The following PMEPA1 variants were observed in gnomAD, a reference collection of about 807,000 sequenced individuals.
PMEPA1 encodes protein TMEPAI.
A neutral mutation model predicts 23.0 loss-of-function variants in PMEPA1; 11 were observed. The observed-to-expected ratio is 0.48, with a 90% CI of 0.30 to 0.79. PMEPA1 has a LOEUF of 0.79. Ranked by LOEUF, PMEPA1 falls within the 30% of genes least tolerant of loss-of-function variation. The pLI, the probability that PMEPA1 is intolerant of heterozygous loss-of-function variation, is 0.06. For synonymous variants in PMEPA1, 204 were observed against 166.4 expected (o/e 1.23, Z -1.74); for missense variants, 377 against 390.9 (o/e 0.96, Z 0.30).
intron 1 of PMEPA1, among the ~76,000 whole-genome samples, chr20:57,659,966 G>A (rs748012675): frequency 6.6e-6 from 1 of 152,188 alleles, no homozygotes; most frequent in Non-Finnish European, 1.5e-5. Context: ...CCCCTCTGTA[G>A]GGACTGACCG....
chr20:57,710,028 C>T, upstream of PMEPA1: 2 of 996,524 alleles, frequency 2.0e-6, no homozygotes, highest in Non-Finnish European at 2.4e-6. Context: ...CAGCGCTAGA[C>T]GGGGCTGCCG....
chr20:57,708,909 G>A (rs1237278401), intron 1 of PMEPA1, among the ~76,000 whole-genome samples: 5 of 151,908 alleles, frequency 3.3e-5, no homozygotes, highest in Non-Finnish European at 7.4e-5. Context: ...GCAAGACCGC[G>A]ACTCAGACCC....
chr20:57,699,093 C>T (rs2071978370), intron 1 of PMEPA1, among the ~76,000 whole-genome samples: 1 of 152,224 alleles, frequency 6.6e-6, no homozygotes, highest in African/African-American at 2.4e-5. Context: ...AGTGTGGTCT[C>T]TGGAATGCAT....
At chr20:57,690,556 A>AGGCGGGGTCTCCATTGCTAT in intron 1 of PMEPA1, 1 of 1,279,150 alleles carries the variant, frequency 7.8e-7, no homozygotes, top group East Asian at 5.6e-5. Flanking sequence ...CTGTAGCAGG[A>AGGCGGGGTCTCCATTGCTAT]GGCGGGGTCT....
At chr20:57,694,709 T>G (rs1410011842) in intron 1 of PMEPA1, among the ~76,000 whole-genome samples, 1 of 152,204 alleles carries the variant, frequency 6.6e-6, no homozygotes, top group East Asian at 1.9e-4. Flanking sequence ...TGTAGCGCCA[T>G]GTAAGACAAG....
In PMEPA1 at chr20:57,651,305, T is replaced by G. The variant is rs764916053; in HGVS notation, c.*748A>C. 16 of 152,664 alleles carry G rather than the reference T, an allele frequency of 1.0e-4. No homozygotes were observed. Among genetic ancestry groups the G allele is most frequent in the Non-Finnish European group, 1.9e-4 (13 of 68,064 alleles). The allele number at this position is 152,664 out of a possible 1,614,324, so 9.5% of individuals were successfully genotyped here. A position where few individuals can be genotyped will look rare whatever the true frequency, so the allele number is the denominator to read the frequency against. On this transcript the variant is annotated 3_prime_UTR_variant, in exon 4 of 4. Coordinates refer to ENST00000341744, the MANE Select transcript of PMEPA1 (RefSeq NM_020182.5). ...CCGCCGCTCCTGGCCAAGGCCTCTC[T>G]GCAGACTCCACGGGGGCTCACCCTC...
intron 1 of PMEPA1, among the ~76,000 whole-genome samples, chr20:57,692,189 CT>C (rs1439682796): frequency 2.6e-5 from 4 of 152,248 alleles, no homozygotes; most frequent in Admixed American, 2.6e-4. Context: ...ACGATGCCCC[CT>C]GTGTAGTGGG....
chr20:57,692,808 T>C lies in PMEPA1; in HGVS notation c.109+16666A>G, dbSNP rs1242015385. The stretch of plus-strand genomic sequence containing the variant: ...ATCCAGGCCAGGCTAAGTGGGAGGG[T>C]TCTGTTCTACAGGACAGCACTCAGC... On this transcript the variant is annotated intron_variant, in intron 1 of 3. Transcript: ENST00000341744. Among the ~76,000 whole-genome samples, 3 of 152,212 alleles carry C rather than the reference T, an allele frequency of 2.0e-5. No homozygotes were observed. In the East Asian group the frequency reaches 5.8e-4, roughly 29 times the overall value.
rs2071749036 is a variant in PMEPA1 at position 57,683,520 on chromosome 20, A to C, written c.110-23823T>G. Among the ~76,000 whole-genome samples, 1 of 131,970 alleles carries C rather than the reference A, an allele frequency of 7.6e-6. No individual in the cohort carries two copies. 86.6% of individuals were successfully genotyped at this position (131,970 alleles called of 152,430 possible). A position where few individuals can be genotyped will look rare whatever the true frequency, so the allele number is the denominator to read the frequency against. ...GCATGCATTACGAACTTGCATTACT[A>C]TACTAACTCGGTGGTGGTGTTCTGG... On this transcript the variant is annotated intron_variant, in intron 1 of 3. Transcript: ENST00000341744. This position sits in a 1 kb window ranked among gnomAD's most constrained non-coding sequence, Gnocchi z 4.3.
intron 1 of PMEPA1, among the ~76,000 whole-genome samples, chr20:57,706,103 G>A (rs1486693046): frequency 1.3e-5 from 2 of 152,194 alleles, no homozygotes; most frequent in East Asian, 3.9e-4. Flanking sequence ...AGTGGGTGAT[G>A]TTAAAAAGAC....
At chr20:57,701,599 C>A (rs1416230328) in intron 1 of PMEPA1, among the ~76,000 whole-genome samples, 2 of 152,092 alleles carry the variant, frequency 1.3e-5, no homozygotes, top group Non-Finnish European at 2.9e-5. Flanking sequence ...AGTTTCCTGC[C>A]CCCAATAGTG....
rs553284252 is a variant in PMEPA1, at chr20:57,676,879, C to A, written c.110-17182G>T. ...CCCTACTTCCTCTCTTGCAAACACA[C>A]CCCCCGTCTATTCTCCACCCTGCAG... On this transcript the variant is annotated intron_variant, in intron 1 of 3. Coordinates refer to ENST00000341744, the MANE Select transcript of PMEPA1 (RefSeq NM_020182.5). Among the ~76,000 whole-genome samples, 54 of 152,316 alleles carry A rather than the reference C, an allele frequency of 3.5e-4. No individual in the cohort carries two copies. In the South Asian group the frequency reaches 0.01, roughly 29 times the overall value.
At chr20:57,666,310 C>T (rs1025039557) in intron 1 of PMEPA1, among the ~76,000 whole-genome samples, 10 of 152,040 alleles carry the variant, frequency 6.6e-5, no homozygotes, top group Non-Finnish European at 1.0e-4. Flanking sequence ...AGGAGAGGAA[C>T]CGTGAGCAGG....
chr20:57,696,196 C>T (rs1261380907), intron 1 of PMEPA1, among the ~76,000 whole-genome samples: 1 of 152,188 alleles, frequency 6.6e-6, no homozygotes, highest in East Asian at 1.9e-4. Flanking sequence ...CCCCAACCAG[C>T]CCATCCCTTA....
intron 1 of PMEPA1, among the ~76,000 whole-genome samples, chr20:57,671,872 G>A (rs1317638603): frequency 1.3e-5 from 2 of 152,154 alleles, no homozygotes; most frequent in Non-Finnish European, 2.9e-5. Context: ...ATTGCCAAAC[G>A]CCCCCTGTGG....
upstream of PMEPA1, chr20:57,710,599 C>A: frequency 1.2e-6 from 1 of 859,124 alleles, no homozygotes; most frequent in South Asian, 1.8e-5. Flanking sequence ...TAGACACGCC[C>A]GGAAGCCCTT....
intron 1 of PMEPA1, among the ~76,000 whole-genome samples, chr20:57,697,499 AT>A (rs1270240501): frequency 6.6e-6 from 1 of 152,238 alleles, no homozygotes; most frequent in Non-Finnish European, 1.5e-5. Context: ...TTACTGGCAA[AT>A]TTCTCCTCCA....
At chr20:57,691,516 C>T (rs549334455) in intron 1 of PMEPA1, among the ~76,000 whole-genome samples, 5 of 152,186 alleles carry the variant, frequency 3.3e-5, no homozygotes, top group East Asian at 3.9e-4. Context: ...ACAGGCACCA[C>T]TGGCACCGCT....
At chr20:57,700,548 T>C (rs113096044) in intron 1 of PMEPA1, among the ~76,000 whole-genome samples, 2,249 of 152,242 alleles carry the variant, frequency 0.015, 26 homozygotes, top group Non-Finnish European at 0.024. Context: ...CTAAGGAGGA[T>C]TGCGAGGTGT....
Sources: gnomAD v4.1 joint callset for allele counts (sites outside exome capture counted in the v4.1 genomes callset) on GRCh38, gnomAD v4.1.1 for gene constraint, Gnocchi (gnomAD v3.1) non-coding constraint, MANE v1.5 for transcripts, NCBI Gene and HGNC (gene_info 2026-07-23, HGNC 2026-07-21) for gene names.